The following RGS6 variants were observed in gnomAD, a reference collection of about 807,000 sequenced individuals.
RGS6 encodes the protein regulator of G-protein signaling 6.
Under a neutral mutation model 78.5 loss-of-function variants are expected in RGS6, and 30 were observed. The ratio of observed to expected loss-of-function variants is 0.38; its 90% CI spans 0.29 to 0.52. The LOEUF is 0.52. Among genes scored for constraint, RGS6 ranks in the 20% least tolerant of loss-of-function variants. The probability of loss-of-function intolerance (pLI) is 0.85; values close to 1 mark genes in which losing one functional copy is unlikely to be tolerated. For missense variants in RGS6, 495 were observed against 609.7 expected, an observed-to-expected ratio of 0.81 and a Z score of 1.98; for synonymous variants, 206 against 206.0, an observed-to-expected ratio of 1.00 and a Z score of 0.00.
Position 72,391,306 on chromosome 14 carries a change from T to C in RGS6, c.184+39112T>C, listed in dbSNP as rs185618252. On this transcript the variant is annotated intron_variant, in intron 3 of 17. Coordinates refer to ENST00000553525, the MANE Select transcript of RGS6 (RefSeq NM_001204424.2). ...TGTGATTGCTTCAATAGTTAAGAAT[T>C]TCGGCTGTCACGACTGAAAAAAATC... 1.1e-3 allele frequency among the ~76,000 whole-genome samples: 170 copies of C among 152,330 alleles called. 1 individual carries two copies. Among genetic ancestry groups the C allele is most frequent in the South Asian group, 2.3e-3 (11 of 4,826 alleles).
intron 3 of RGS6, among the ~76,000 whole-genome samples, chr14:72,406,772 C>A (rs372262532): frequency 1.3e-5 from 2 of 152,166 alleles, no homozygotes; most frequent in East Asian, 3.8e-4. Context: ...AACCAGCCAC[C>A]ACACAAATGT....
At chr14:72,141,486 T>C (rs964534151) in intron 2 of RGS6, among the ~76,000 whole-genome samples, 4 of 152,178 alleles carry the variant, frequency 2.6e-5, no homozygotes, top group Non-Finnish European at 5.9e-5. Context: ...TCTTCTTTTC[T>C]TTTAGGAGTT....
At chr14:71,915,217 G>C in the RGS6 span, among the ~76,000 whole-genome samples, 3 of 151,414 alleles carry the variant, frequency 2.0e-5, no homozygotes, top group Admixed American at 6.6e-5. Flanking sequence ...AGATCGTGCC[G>C]CTGCACTCCA....
chr14:71,928,813 G>C (rs1310494287), upstream of RGS6, among the ~76,000 whole-genome samples: 1 of 152,102 alleles, frequency 6.6e-6, no homozygotes. Flanking sequence ...AAAGTATTGG[G>C]CTGAATCACA....
At position 72,433,441 on chromosome 14, in the gene RGS6, A is replaced by G. The variant is rs147021424; in HGVS notation, c.185-21087A>G. On this transcript the variant is annotated intron_variant, in intron 3 of 17. Coordinates refer to ENST00000553525, the MANE Select transcript of RGS6 (RefSeq NM_001204424.2). Reference sequence around the variant, plus strand: ...GGTGCAGCAAACCACCATGGCACACATTTACCTAAGTAACGAAACTGCACA... The same window carrying G: ...GGTGCAGCAAACCACCATGGCACACGTTTACCTAAGTAACGAAACTGCACA... Among the ~76,000 whole-genome samples the G allele has an allele frequency of 5.0e-3, 754 of 152,148 alleles. 9 individuals carry two copies. Among genetic ancestry groups the G allele is most frequent in the African/African-American group, 0.017 (701 of 41,496 alleles).
chr14:72,397,874 A>T (rs2091702803), intron 3 of RGS6, among the ~76,000 whole-genome samples: 1 of 152,156 alleles, frequency 6.6e-6, no homozygotes, highest in South Asian at 2.1e-4. Context: ...CGTATGTTGA[A>T]CCAGCCTTGC....
chr14:72,537,609 C>T (rs944875989), intron 16 of RGS6: 23 of 701,466 alleles, frequency 3.3e-5, no homozygotes, highest in Non-Finnish European at 5.5e-5. Flanking sequence ...TGGAGGAGGC[C>T]GACACCCTCA....
chr14:72,122,790 G>C (rs1014829412), intron 2 of RGS6, among the ~76,000 whole-genome samples: 1 of 131,756 alleles, frequency 7.6e-6, no homozygotes, highest in African/African-American at 2.9e-5. Context: ...TCTTTTTTAT[G>C]CTTAAGGTAC....
At chr14:72,083,923 G>C (rs890977645) in intron 2 of RGS6, among the ~76,000 whole-genome samples, 1 of 152,172 alleles carries the variant, frequency 6.6e-6, no homozygotes, top group Non-Finnish European at 1.5e-5. Context: ...AAGCTTCACA[G>C]AGAGGTTCAC....
intron 3 of RGS6, among the ~76,000 whole-genome samples, chr14:72,409,706 C>G (rs950359159): frequency 1.3e-5 from 2 of 152,042 alleles, no homozygotes; most frequent in African/African-American, 2.4e-5. Flanking sequence ...AGTGCTATCC[C>G]TCCCCTCTCC....
chr14:72,435,762 C>G (rs1312678158), intron 3 of RGS6, among the ~76,000 whole-genome samples: 1 of 149,086 alleles, frequency 6.7e-6, no homozygotes, highest in Admixed American at 6.7e-5. Context: ...CCACCCCGCC[C>G]CCGCCCCTGC....
At chr14:72,308,736 C>T (rs1342450231) in intron 2 of RGS6, among the ~76,000 whole-genome samples, 2 of 152,166 alleles carry the variant, frequency 1.3e-5, no homozygotes, top group Non-Finnish European at 2.9e-5. Flanking sequence ...TCAAAATATA[C>T]ATGTATTCCT....
intron 12 of RGS6, among the ~76,000 whole-genome samples, chr14:72,489,622 AAAGC>A (rs1357615104): frequency 1.3e-5 from 2 of 152,222 alleles, no homozygotes; most frequent in African/African-American, 4.8e-5. Context: ...GGCACAGAAG[AAAGC>A]CATGTGAAGA....
chr14:72,033,214 A>G (rs2091183780), intron 2 of RGS6, among the ~76,000 whole-genome samples: 1 of 152,096 alleles, frequency 6.6e-6, no homozygotes, highest in Admixed American at 6.5e-5. Context: ...TAAAAAACAA[A>G]ATGGTTGCAT....
chr14:72,372,196 C>T (rs1346111486), intron 3 of RGS6, among the ~76,000 whole-genome samples: 1 of 152,144 alleles, frequency 6.6e-6, no homozygotes, highest in Non-Finnish European at 1.5e-5. Context: ...ATATACAAAA[C>T]TTTAAAAGCT....
intron 2 of RGS6, among the ~76,000 whole-genome samples, chr14:72,249,662 A>G (rs1415543421): frequency 1.3e-5 from 2 of 152,146 alleles, no homozygotes; most frequent in Non-Finnish European, 2.9e-5. Context: ...TCAATTTGCA[A>G]TTGTATTTTT....
chr14:72,190,553 A>G (rs546259790), intron 2 of RGS6, among the ~76,000 whole-genome samples: 1 of 152,326 alleles, frequency 6.6e-6, no homozygotes, highest in Admixed American at 6.5e-5. Flanking sequence ...CACTGGGGTA[A>G]TGCCCCAGAC....
chr14:72,218,324 A>G (rs1298465204), intron 2 of RGS6, among the ~76,000 whole-genome samples: 1 of 152,124 alleles, frequency 6.6e-6, no homozygotes, highest in Non-Finnish European at 1.5e-5. Flanking sequence ...TATGTCCTAT[A>G]AAATCACCTT....
intron 2 of RGS6, among the ~76,000 whole-genome samples, chr14:72,262,151 C>T (rs184667790): frequency 7.2e-5 from 11 of 152,006 alleles, no homozygotes; most frequent in East Asian, 3.9e-4. Context: ...TTTTGGAGAG[C>T]GGTGGAGAAT....
Sources: gnomAD v4.1 joint callset for allele counts (sites outside exome capture counted in the v4.1 genomes callset) on GRCh38, gnomAD v4.1.1 for gene constraint, MANE v1.5 for transcripts, NCBI Gene and HGNC (gene_info 2026-07-23, HGNC 2026-07-21) for gene names.